NBAS: variants seen among roughly 807,000 people sequenced by gnomAD.
The protein encoded by NBAS is NAG/BC035112 fusion.
In NBAS, 219 loss-of-function variants were observed where a neutral mutation model predicts 302.5. The ratio of observed to expected loss-of-function variants is 0.72; its 90% CI spans 0.65 to 0.81. The LOEUF (loss-of-function observed/expected upper bound fraction) is 0.81. NBAS is among the 30% of genes least tolerant of loss of function. The probability of loss-of-function intolerance (pLI) is 0.00; values close to 1 mark genes in which losing one functional copy is unlikely to be tolerated. For synonymous variants in NBAS, 1,118 were observed against 1,021.6 expected (o/e 1.09, Z -1.80); for missense variants, 2,932 against 2,841.6 (o/e 1.03, Z -0.72).
At chr2:15,498,161 G>C (rs1038109651) in intron 11 of NBAS, among the ~76,000 whole-genome samples, 9 of 152,146 alleles carry the variant, frequency 5.9e-5, no homozygotes, top group Non-Finnish European at 1.3e-4. Context: ...TCTCCACTAA[G>C]TTATTTCAAC....
the NBAS span, among the ~76,000 whole-genome samples, chr2:15,056,568 AC>A: frequency 1.3e-5 from 2 of 152,204 alleles, no homozygotes; most frequent in African/African-American, 4.8e-5. Context: ...TCTGTATTTT[AC>A]CTGGGAAAAT....
chr2:15,402,330 ATG>A (rs1388874725), intron 25 of NBAS, 29 bp from the exon 26 acceptor site: 2 of 1,611,178 alleles, frequency 1.2e-6, no homozygotes, highest in African/African-American at 2.7e-5. Context: ...GTTGTACTAA[ATG>A]TCAACAGATT....
intron 44 of NBAS, among the ~76,000 whole-genome samples, chr2:15,269,849 C>T (rs376354512): frequency 1.3e-5 from 2 of 152,308 alleles, no homozygotes; most frequent in Middle Eastern, 3.4e-3. Flanking sequence ...GTCTTTAAGA[C>T]TTTATCACAT....
At chr2:14,844,561 A>C in the NBAS span, among the ~76,000 whole-genome samples, 1 of 152,226 alleles carries the variant, frequency 6.6e-6, no homozygotes. Flanking sequence ...CTTAGGTACC[A>C]GCTCTGCCAC....
the NBAS span, among the ~76,000 whole-genome samples, chr2:14,915,685 C>T: frequency 6.6e-6 from 1 of 152,172 alleles, no homozygotes; most frequent in Non-Finnish European, 1.5e-5. Flanking sequence ...GCCTCAGCCT[C>T]CCAAGTAGCT....
At chr2:15,080,534 T>TA in the NBAS span, among the ~76,000 whole-genome samples, 1 of 152,240 alleles carries the variant, frequency 6.6e-6, no homozygotes, top group East Asian at 1.9e-4. Flanking sequence ...AGTGACTTTT[T>TA]AAAAAACAAC....
At position 15,180,989 on chromosome 2, in the gene NBAS, C is replaced by A. The variant is rs145028967; in HGVS notation, c.6712-1873G>T. ...ATGTCCCAGGTTAGCACTCAATGTTCTAAATGTACTGTATAAATATTTCCC... is the reference window on the plus strand; with the variant it reads ...ATGTCCCAGGTTAGCACTCAATGTTATAAATGTACTGTATAAATATTTCCC... On this transcript the variant is annotated intron_variant, in intron 50 of 51. Transcript: ENST00000281513. Among the ~76,000 whole-genome samples the A allele has an allele frequency of 5.8e-4, 89 of 152,338 alleles. No homozygotes were observed. In the East Asian group the frequency reaches 9.8e-3, roughly 17 times the overall value.
chr2:15,113,788 C>T, the NBAS span, among the ~76,000 whole-genome samples: 1 of 151,718 alleles, frequency 6.6e-6, no homozygotes, highest in African/African-American at 2.4e-5. Flanking sequence ...CAAACTGCAC[C>T]TCCAGGAAAC....
the NBAS span, among the ~76,000 whole-genome samples, chr2:14,875,014 G>C: frequency 6.6e-6 from 1 of 151,608 alleles, no homozygotes; most frequent in East Asian, 1.9e-4. Flanking sequence ...TATGAAAAAA[G>C]TGTAATCTAC....
chr2:15,063,373 C>T, the NBAS span, among the ~76,000 whole-genome samples: 4 of 151,902 alleles, frequency 2.6e-5, no homozygotes, highest in Admixed American at 2.0e-4. Flanking sequence ...GGTGGTCTGA[C>T]CCTCCTCTGA....
At chr2:15,136,513 A>T in the NBAS span, among the ~76,000 whole-genome samples, 9 of 152,184 alleles carry the variant, frequency 5.9e-5, no homozygotes, top group African/African-American at 9.6e-5. Context: ...AGAGGGCTGG[A>T]TTTGGTCCAA....
chr2:15,527,967 T>G (rs1663003108), intron 9 of NBAS, among the ~76,000 whole-genome samples: 1 of 151,932 alleles, frequency 6.6e-6, no homozygotes, highest in Admixed American at 6.6e-5. Flanking sequence ...AAAATTTGAG[T>G]CCCTTAAAGA....
the NBAS span, among the ~76,000 whole-genome samples, chr2:15,045,807 T>C: frequency 7.2e-5 from 11 of 152,254 alleles, no homozygotes; most frequent in Admixed American, 1.3e-4. Flanking sequence ...CATATGGCTA[T>C]ACTAATTTGC....
At chr2:15,556,909 T>C (rs904730346) in intron 2 of NBAS, 90 bp from the exon 3 acceptor site, 2 of 1,013,770 alleles carry the variant, frequency 2.0e-6, no homozygotes, top group Admixed American at 1.8e-5. Context: ...ATCTAAAATA[T>C]ACTACAGAGC....
At chr2:15,502,888 C>G (rs1235617696) in intron 11 of NBAS, among the ~76,000 whole-genome samples, 1 of 151,772 alleles carries the variant, frequency 6.6e-6, no homozygotes, top group Non-Finnish European at 1.5e-5. Flanking sequence ...ATTTTTTTAC[C>G]TTTTTGACTT....
intron 21 of NBAS, among the ~76,000 whole-genome samples, chr2:15,429,001 G>A (rs770752684): frequency 5.3e-5 from 8 of 149,706 alleles, no homozygotes; most frequent in Non-Finnish European, 1.0e-4. Flanking sequence ...TCGTGCCACT[G>A]TACTTCAGCC....
At chr2:15,234,134 C>A (rs1450848975) in intron 46 of NBAS, among the ~76,000 whole-genome samples, 1 of 152,112 alleles carries the variant, frequency 6.6e-6, no homozygotes, top group African/African-American at 2.4e-5. Flanking sequence ...ATCAGCCTTG[C>A]CTTGGGTTTT....
chr2:14,983,060 C>G, the NBAS span, among the ~76,000 whole-genome samples: 1 of 152,340 alleles, frequency 6.6e-6, no homozygotes, highest in Non-Finnish European at 1.5e-5. Flanking sequence ...ACTTGCTTAA[C>G]TGTCAGCTCC....
At chr2:15,054,419 C>T in the NBAS span, among the ~76,000 whole-genome samples, 1 of 152,222 alleles carries the variant, frequency 6.6e-6, no homozygotes, top group South Asian at 2.1e-4. Context: ...AAGGTGATCA[C>T]AACTGCCCAC....
Sources: allele counts gnomAD v4.1 joint callset (sites outside exome capture counted in the v4.1 genomes callset), GRCh38; gene constraint gnomAD v4.1.1; transcripts MANE v1.5; gene names NCBI Gene and HGNC (gene_info 2026-07-23, HGNC 2026-07-21).